The following PHC3 variants were observed in gnomAD, a reference collection of about 807,000 sequenced individuals.
PHC3 encodes polyhomeotic homolog 3, also known as polyhomeotic-like protein 3.
Under a neutral mutation model 107.4 loss-of-function variants are expected in PHC3, and 13 were observed. The ratio of observed to expected loss-of-function variants is 0.12; its 90% CI spans 0.08 to 0.19. PHC3 has a LOEUF of 0.19. PHC3 is among the 10% of genes least tolerant of loss of function. PHC3 has a pLI of 1.00. For synonymous variants in PHC3, 456 were observed against 427.4 expected (o/e 1.07, Z -0.83); for missense variants, 992 against 1,210.9 (o/e 0.82, Z 2.68).
At chr3:170,160,769 G>T (rs1460992845) in intron 4 of PHC3, among the ~76,000 whole-genome samples, 1 of 152,098 alleles carries the variant, frequency 6.6e-6, no homozygotes, top group Non-Finnish European at 1.5e-5. Flanking sequence ...AGCTGGGTGT[G>T]GTGGTGGGTA....
intron 4 of PHC3, among the ~76,000 whole-genome samples, chr3:170,150,129 T>A (rs1725662944): frequency 6.6e-6 from 1 of 152,208 alleles, no homozygotes; most frequent in African/African-American, 2.4e-5. Flanking sequence ...AAAGAGCTAC[T>A]GTTTCATTTT....
chr3:170,111,390 GAA>G (rs1491154832), intron 11 of PHC3, among the ~76,000 whole-genome samples: 1 of 140,062 alleles, frequency 7.1e-6, no homozygotes, highest in East Asian at 2.5e-4. Flanking sequence ...GAGAGAGAAA[GAA>G]AGAGGAAGGA....
chr3:170,135,576 T>A (rs1312728244), intron 7 of PHC3, among the ~76,000 whole-genome samples: 2 of 151,070 alleles, frequency 1.3e-5, no homozygotes, highest in African/African-American at 4.9e-5. Context: ...ACATTAAGAA[T>A]AAGGGAGACC....
chr3:170,175,212 G>A (rs1364454642), intron 2 of PHC3, among the ~76,000 whole-genome samples: 1 of 152,124 alleles, frequency 6.6e-6, no homozygotes, highest in Non-Finnish European at 1.5e-5. Flanking sequence ...TTTCATTTTG[G>A]GAGAAGCAAT....
intron 4 of PHC3, among the ~76,000 whole-genome samples, chr3:170,153,112 A>T (rs1223797666): frequency 6.6e-6 from 1 of 152,144 alleles, no homozygotes; most frequent in Non-Finnish European, 1.5e-5. Context: ...GGTATCCTTT[A>T]CCAGCTCAAA....
chr3:170,138,130 C>T (rs1723423842), intron 6 of PHC3, among the ~76,000 whole-genome samples: 1 of 151,844 alleles, frequency 6.6e-6, no homozygotes, highest in African/African-American at 2.4e-5. Context: ...GAGGCGGAGG[C>T]TGCAGTGAGC....
At chr3:170,149,616 G>A (rs1031538320) in intron 4 of PHC3, among the ~76,000 whole-genome samples, 1 of 152,002 alleles carries the variant, frequency 6.6e-6, no homozygotes, top group Non-Finnish European at 1.5e-5. Flanking sequence ...CACCACGCCC[G>A]GCTAATTTTG....
chr3:170,172,475 A>AT, intron 3 of PHC3, 82 bp downstream of exon 3: 2 of 1,464,642 alleles, frequency 1.4e-6, no homozygotes, highest in Non-Finnish European at 9.3e-7. Flanking sequence ...GAACTCTGAA[A>AT]TAATACCCAA....
At chr3:170,119,989 G>A (rs1719898234) in intron 9 of PHC3, among the ~76,000 whole-genome samples, 1 of 152,136 alleles carries the variant, frequency 6.6e-6, no homozygotes, top group Admixed American at 6.6e-5. Flanking sequence ...CATTCCTGAG[G>A]AAAACATGGA....
At position 170,095,509 on chromosome 3, in the gene PHC3, T is replaced by C. The variant is rs1714535681; in HGVS notation, c.*1721A>G. ...AATGTACACAAAGCCAAAAGATAAA[T>C]ATAGTATCTGTGATGTCTTCAGTGA... On this transcript the variant is annotated 3_prime_UTR_variant, in exon 15 of 15. Transcript: ENST00000495893. The C allele has an allele frequency of 6.6e-6, 1 of 152,002 alleles. No individual in the cohort carries two copies. The highest frequency in any genetic ancestry group is 1.5e-5 in the Non-Finnish European group (1 of 68,002). The allele number at this position is 152,002 out of a possible 1,614,324, so 9.4% of individuals were successfully genotyped here. A position where few individuals can be genotyped will look rare whatever the true frequency, so the allele number is the denominator to read the frequency against.
Position 170,129,284 on chromosome 3 carries a change from C to T in PHC3, c.1188G>A (p.Val396=), listed in dbSNP as rs1463166856. The T allele has an allele frequency of 6.2e-7, 1 of 1,613,886 alleles. No individual in the cohort carries two copies. The highest frequency in any genetic ancestry group is 1.7e-5 in the Admixed American group (1 of 60,004). ...GTGCTGACTGTGACTGATTAGGAGA[C>T]ACTGTTAAAGGAGAGGGATGACTCT... The part of the protein sequence containing the change: ...PIQSHPSPLT[V]SPNQSQSAQQ... Residue 396 remains valine, a synonymous_variant, in exon 8 of 15, where the codon GTG becomes GTA. Coordinates refer to ENST00000495893, the MANE Select transcript of PHC3 (RefSeq NM_024947.4).
At chr3:170,147,829 A>G (rs1725243123) in intron 5 of PHC3, 1 of 152,200 alleles carries the variant, frequency 6.6e-6, no homozygotes, top group African/African-American at 2.4e-5. Context: ...AAACCTAAAA[A>G]GAAGATATTC....
At chr3:170,181,099 T>G (rs1238428811) in intron 1 of PHC3, among the ~76,000 whole-genome samples, 1 of 152,060 alleles carries the variant, frequency 6.6e-6, no homozygotes, top group East Asian at 1.9e-4. Flanking sequence ...ACCCAGAGAA[T>G]CGAGGGAAAG....
Position 170,178,849 on chromosome 3 carries a change from G to C in PHC3, c.104C>G (p.Thr35Ser). ...STTTSSTTTT[T>S]ITTSSSRMQQ... is the part of the protein sequence containing the mutation. ...CATTCGAGAGGAGGAAGTGGTGATG[G>C]TGGTGGTGGTGGTACTGCTGGTTGT... Residue 35 changes from threonine (T) to serine (S), a missense_variant, in exon 2 of 15, where the codon ACC becomes AGC. Physicochemically the swap from Thr to Ser is moderately conservative, Grantham distance 58 (BLOSUM62 1). Transcript: ENST00000495893. 6.2e-7 allele frequency: 1 copy of C among 1,608,740 alleles called. No homozygotes were observed. Among genetic ancestry groups the C allele is most frequent in the Non-Finnish European group, 8.5e-7 (1 of 1,175,574 alleles).
intron 2 of PHC3, among the ~76,000 whole-genome samples, chr3:170,176,284 A>C (rs1391848768): frequency 6.6e-6 from 1 of 152,178 alleles, no homozygotes; most frequent in Non-Finnish European, 1.5e-5. Flanking sequence ...ACCTCAGAGA[A>C]AGGTAAAAAA....
In PHC3 at chr3:170,171,434, C is replaced by T; in HGVS notation, c.353G>A (p.Gly118Glu). The change falls in exon 4 of 15, where the codon GGA becomes GAA. Residue 118 changes from glycine (G) to glutamate (E), a missense_variant. Transcript: ENST00000495893. The part of the protein sequence containing the change: ...LAAVQASLSS[G>E]RPSTSPTGSV... ...TCCTGTGGGAGATGTAGATGGTCTT[C>T]CACTGGACAAACTTGCCTAAAATAG... is the stretch of plus-strand genomic sequence containing the variant. 1 of 1,602,556 alleles carries T rather than the reference C, an allele frequency of 6.2e-7. No homozygotes were observed.
chr3:170,120,921 A>G (rs1483942882), intron 9 of PHC3, among the ~76,000 whole-genome samples: 2 of 152,200 alleles, frequency 1.3e-5, no homozygotes, highest in Non-Finnish European at 2.9e-5. Flanking sequence ...CAAAGCCGGA[A>G]CCAAGATTAG....
intron 12 of PHC3, 146 bp from the exon 13 acceptor site, chr3:170,103,080 T>A: frequency 1.2e-6 from 1 of 839,912 alleles, no homozygotes; most frequent in Non-Finnish European, 1.8e-6. Flanking sequence ...GTAACTACAC[T>A]GTTCAATGGA....
intron 9 of PHC3, among the ~76,000 whole-genome samples, chr3:170,121,457 A>C (rs1437203990): frequency 6.6e-6 from 1 of 152,252 alleles, no homozygotes; most frequent in African/African-American, 2.4e-5. Context: ...CTTTGTGAGG[A>C]GGCACATACG....
Sources: gnomAD v4.1 joint callset for allele counts (sites outside exome capture counted in the v4.1 genomes callset) on GRCh38, gnomAD v4.1.1 for gene constraint, MANE v1.5 for transcripts, NCBI Gene and HGNC (gene_info 2026-07-23, HGNC 2026-07-21) for gene names.